Variants in CDC42BPB observed in about 807,000 individuals in gnomAD.
CDC42BPB encodes the protein serine/threonine-protein kinase MRCK beta.
A neutral mutation model predicts 214.9 loss-of-function variants in CDC42BPB; 37 were observed. The observed-to-expected ratio is 0.17, with a 90% CI of 0.13 to 0.23. The LOEUF is 0.23. Among genes scored for constraint, CDC42BPB ranks in the 10% least tolerant of loss-of-function variants. The pLI, the probability that CDC42BPB is intolerant of heterozygous loss-of-function variation, is 1.00. For synonymous variants in CDC42BPB, 931 were observed against 884.0 expected, an observed-to-expected ratio of 1.05 and a Z score of -0.94; for missense variants, 1,694 against 2,227.0, an observed-to-expected ratio of 0.76 and a Z score of 4.82.
intron 3 of CDC42BPB, among the ~76,000 whole-genome samples, chr14:103,005,632 C>A (rs1374520714): frequency 6.6e-6 from 1 of 151,836 alleles, no homozygotes; most frequent in Non-Finnish European, 1.5e-5. Context: ...ATCGATGAGC[C>A]CAGCTGAGAT....
At chr14:102,957,257 C>T (rs1892754405) in intron 21 of CDC42BPB, among the ~76,000 whole-genome samples, 1 of 150,536 alleles carries the variant, frequency 6.6e-6, no homozygotes, top group African/African-American at 2.4e-5. Flanking sequence ...GGCAGGCGTG[C>T]TGGCTGTAGA....
At chr14:102,963,017 A>C (rs34375090) in intron 20 of CDC42BPB, 44 bp downstream of exon 20, 1 of 903,072 alleles carries the variant, frequency 1.1e-6, no homozygotes, top group South Asian at 1.5e-5. Context: ...CATTTGAAAA[A>C]TACTTATATT....
At chr14:102,961,491 C>T (rs1218270825) in intron 20 of CDC42BPB, among the ~76,000 whole-genome samples, 3 of 152,004 alleles carry the variant, frequency 2.0e-5, no homozygotes, top group Non-Finnish European at 2.9e-5. Flanking sequence ...TGCCCCACCA[C>T]GCCCAGCTAA....
At position 102,956,024 on chromosome 14, in the gene CDC42BPB, C is replaced by T. The variant is rs1014673243; in HGVS notation, c.2902-1336G>A. On this transcript the variant is annotated intron_variant, in intron 21 of 36. Transcript: ENST00000361246. ...AATTACCAAAGCTCAAAAATGTAAG[C>T]AAATCTGCCCCATAAACAAGGTATG... is the stretch of plus-strand genomic sequence containing the variant. Among the ~76,000 whole-genome samples, 2 of 152,176 alleles carry T rather than the reference C, an allele frequency of 1.3e-5. 1 individual carries two copies. The highest frequency in any genetic ancestry group is 4.1e-4 in the South Asian group (2 of 4,828).
Position 102,959,614 on chromosome 14 carries a change from A to T in CDC42BPB, c.2901+17T>A. On this transcript the variant is annotated intron_variant, in intron 21 of 36. Transcript: ENST00000361246. ...TCATAAACTCATCTGTCACTTAAAA[A>T]AAAAACAATGACTTACTCTAAATGT... 6.4e-7 allele frequency: 1 copy of T among 1,569,518 alleles called. No homozygotes were observed. Among genetic ancestry groups the T allele is most frequent in the Non-Finnish European group, 8.7e-7 (1 of 1,150,342 alleles).
chr14:103,002,222 CGCT>C (rs1895021232), intron 4 of CDC42BPB, among the ~76,000 whole-genome samples: 1 of 152,128 alleles, frequency 6.6e-6, no homozygotes, highest in Non-Finnish European at 1.5e-5. Context: ...TCAACGCCCC[CGCT>C]CAAGGTGGCA....
At chr14:103,048,881 A>C (rs1295829547) in intron 1 of CDC42BPB, among the ~76,000 whole-genome samples, 2 of 152,090 alleles carry the variant, frequency 1.3e-5, no homozygotes, top group East Asian at 1.9e-4. Context: ...CTCCAAAAAA[A>C]AAAAAATTTA....
chr14:103,031,462 C>G (rs1296440034), intron 1 of CDC42BPB, among the ~76,000 whole-genome samples: 4 of 152,198 alleles, frequency 2.6e-5, no homozygotes, highest in African/African-American at 9.7e-5. Context: ...GGACATCTAG[C>G]TTTGTGCAGT....
intron 2 of CDC42BPB, among the ~76,000 whole-genome samples, chr14:103,011,268 C>G (rs983512544): frequency 6.6e-6 from 1 of 152,234 alleles, no homozygotes; most frequent in African/African-American, 2.4e-5. Context: ...CCAGCTGCAC[C>G]TGCATGACTG....
intron 5 of CDC42BPB, among the ~76,000 whole-genome samples, chr14:102,994,028 C>A (rs943416549): frequency 6.6e-6 from 1 of 152,208 alleles, no homozygotes; most frequent in East Asian, 1.9e-4. Flanking sequence ...CACATACACA[C>A]GAAAAATGTC....
intron 20 of CDC42BPB, among the ~76,000 whole-genome samples, chr14:102,960,496 C>T (rs1892910411): frequency 6.6e-6 from 1 of 152,100 alleles, no homozygotes; most frequent in Non-Finnish European, 1.5e-5. Flanking sequence ...GTGGCATGTG[C>T]CTGTGGTCCT....
In CDC42BPB at chr14:102,952,649, G is replaced by A. The variant is rs369190133; in HGVS notation, c.3067-46C>T. 440 of 1,586,010 alleles carry A rather than the reference G, an allele frequency of 2.8e-4. 1 individual carries two copies. The highest frequency in any genetic ancestry group is 1.0e-3 in the Admixed American group (59 of 57,096). On this transcript the variant is annotated intron_variant, in intron 23 of 36. Coordinates refer to ENST00000361246, the MANE Select transcript of CDC42BPB (RefSeq NM_006035.4). ...ACACTGAGGTGAACCATGGACTCTT[G>A]AGAGTCAGATCCATCTGCCTGTGAT...
intron 36 of CDC42BPB, among the ~76,000 whole-genome samples, chr14:102,935,080 C>T (rs1215299199): frequency 6.6e-6 from 1 of 151,458 alleles, no homozygotes; most frequent in African/African-American, 2.4e-5. Context: ...GCTTTCACCA[C>T]TGCTATTCAA....
At chr14:102,998,092 A>C (rs1427551658) in intron 5 of CDC42BPB, among the ~76,000 whole-genome samples, 2 of 152,186 alleles carry the variant, frequency 1.3e-5, no homozygotes, top group Non-Finnish European at 2.9e-5. Flanking sequence ...ACGCCACTGC[A>C]CTCCAGCCTG....
At chr14:103,018,163 C>T (rs1019425385) in intron 1 of CDC42BPB, among the ~76,000 whole-genome samples, 3 of 152,156 alleles carry the variant, frequency 2.0e-5, no homozygotes, top group East Asian at 1.9e-4. Context: ...TCTAATGCCA[C>T]GCTGATCTGA....
chr14:102,972,809 A>C (rs1425826867), intron 12 of CDC42BPB, among the ~76,000 whole-genome samples: 1 of 148,782 alleles, frequency 6.7e-6, no homozygotes, highest in Non-Finnish European at 1.5e-5. Flanking sequence ...GCCTCTGCCC[A>C]GTGTCACCTG....
intron 5 of CDC42BPB, 36 bp downstream of exon 5, chr14:102,999,529 A>T: frequency 1.9e-6 from 3 of 1,607,472 alleles, no homozygotes; most frequent in Non-Finnish European, 2.6e-6. Context: ...TAACAATTAA[A>T]CGTGGTTTCC....
At chr14:102,954,744 G>C in intron 21 of CDC42BPB, 56 bp from the exon 22 acceptor site, 1 of 1,564,686 alleles carries the variant, frequency 6.4e-7, no homozygotes, top group Admixed American at 1.8e-5. Context: ...ACATGATCCA[G>C]ACTCTACTTA....
intron 4 of CDC42BPB, among the ~76,000 whole-genome samples, chr14:103,000,469 A>T (rs7154442): frequency 1.3e-5 from 2 of 152,224 alleles, no homozygotes; most frequent in African/African-American, 4.8e-5. Flanking sequence ...CTCACAGGTC[A>T]GAGAGGCCCA....
Sources: allele counts gnomAD v4.1 joint callset (sites outside exome capture counted in the v4.1 genomes callset), GRCh38; gene constraint gnomAD v4.1.1; transcripts MANE v1.5; gene names NCBI Gene and HGNC (gene_info 2026-07-23, HGNC 2026-07-21).